Variants in BRINP1 observed in about 807,000 individuals in gnomAD.
The protein encoded by BRINP1 is BMP/retinoic acid inducible neural specific 1.
Under a neutral mutation model 72.9 loss-of-function variants are expected in BRINP1, and 17 were observed. That is an observed-to-expected ratio of 0.23 (90% confidence interval 0.16 to 0.35). The LOEUF (loss-of-function observed/expected upper bound fraction) is 0.35. Among genes scored for constraint, BRINP1 ranks in the 10% least tolerant of loss-of-function variants. BRINP1 has a pLI of 1.00. For synonymous variants in BRINP1, 418 were observed against 378.5 expected (o/e 1.10, Z -1.21); for missense variants, 850 against 1,001.6 (o/e 0.85, Z 2.04).
At chr9:119,171,520 C>T (rs995831613) in intron 7 of BRINP1, among the ~76,000 whole-genome samples, 26 of 151,062 alleles carry the variant, frequency 1.7e-4, no homozygotes, top group African/African-American at 4.9e-4. Flanking sequence ...TAGACTCCCA[C>T]CCATTAATAA....
intron 5 of BRINP1, among the ~76,000 whole-genome samples, chr9:119,228,331 T>TA (rs1830114604): frequency 6.6e-6 from 1 of 152,022 alleles, no homozygotes; most frequent in Non-Finnish European, 1.5e-5. Flanking sequence ...AATTATATTA[T>TA]ATATAATTCC....
intron 7 of BRINP1, among the ~76,000 whole-genome samples, chr9:119,197,097 GT>G (rs1456413638): frequency 6.6e-6 from 1 of 152,154 alleles, no homozygotes; most frequent in Non-Finnish European, 1.5e-5. Flanking sequence ...GGAAGTCTGG[GT>G]TTAAACGCAG....
chr9:119,200,611 A>C (rs1157516308), intron 7 of BRINP1, among the ~76,000 whole-genome samples: 1 of 148,652 alleles, frequency 6.7e-6, no homozygotes, highest in East Asian at 2.0e-4. Context: ...GTGACAGGGC[A>C]GGACTCTGCC....
chr9:119,249,861 AGGGAGGGAGGGAGGG>A (rs1564228593), intron 2 of BRINP1, among the ~76,000 whole-genome samples: 2 of 45,688 alleles, frequency 4.4e-5, no homozygotes, highest in African/African-American at 2.5e-4. Flanking sequence ...GAAGGGAGGG[AGGGAGGGAGGGAGGG>A]AAGGGAGGAA....
At chr9:119,256,631 C>A (rs1830450681) in intron 2 of BRINP1, among the ~76,000 whole-genome samples, 1 of 152,144 alleles carries the variant, frequency 6.6e-6, no homozygotes, top group South Asian at 2.1e-4. Context: ...ATTTGTTTTA[C>A]AATTATTTGT....
At chr9:119,274,267 G>A (rs776423938) in intron 2 of BRINP1, among the ~76,000 whole-genome samples, 1 of 152,230 alleles carries the variant, frequency 6.6e-6, no homozygotes, top group African/African-American at 2.4e-5. Flanking sequence ...TGAAAGGAGA[G>A]TAGAAGGAGA....
chr9:119,226,980 T>A (rs936219297), intron 5 of BRINP1, among the ~76,000 whole-genome samples: 2 of 152,020 alleles, frequency 1.3e-5, no homozygotes, highest in Non-Finnish European at 2.9e-5. Flanking sequence ...TTAACTTCTG[T>A]GAGCTTCAAT....
At chr9:119,252,165 G>A (rs780485071) in intron 2 of BRINP1, among the ~76,000 whole-genome samples, 3 of 152,092 alleles carry the variant, frequency 2.0e-5, no homozygotes, top group Admixed American at 2.0e-4. Flanking sequence ...GGAGCCGAGG[G>A]AATCCTTAGG....
chr9:119,213,886 A>C, intron 6 of BRINP1, 33 bp downstream of exon 6: 1 of 1,582,422 alleles, frequency 6.3e-7, no homozygotes, highest in Non-Finnish European at 8.7e-7. Context: ...GCTCAAGGCC[A>C]CTCATGCAGT....
chr9:119,335,619 C>T (rs1831339026), intron 1 of BRINP1, among the ~76,000 whole-genome samples: 1 of 152,188 alleles, frequency 6.6e-6, no homozygotes, highest in Admixed American at 6.5e-5. Context: ...ATTCATTCAA[C>T]AGGTACTTAA....
At chr9:119,172,402 A>C (rs1181567062) in intron 7 of BRINP1, among the ~76,000 whole-genome samples, 1 of 152,220 alleles carries the variant, frequency 6.6e-6, no homozygotes, top group Non-Finnish European at 1.5e-5. Context: ...AAATTCCTCC[A>C]CACATACGCT....
intron 2 of BRINP1, among the ~76,000 whole-genome samples, chr9:119,293,379 C>T (rs557569464): frequency 9.2e-5 from 14 of 151,820 alleles, no homozygotes; most frequent in Admixed American, 4.6e-4. Context: ...ATTATCCTTA[C>T]GCATGAATAA....
intron 1 of BRINP1, among the ~76,000 whole-genome samples, chr9:119,325,754 A>C (rs1444154893): frequency 6.6e-6 from 1 of 152,202 alleles, no homozygotes; most frequent in Non-Finnish European, 1.5e-5. Flanking sequence ...CTAATCTAGC[A>C]GATCCAGCCA....
At chr9:119,294,155 C>A (rs919695527) in intron 2 of BRINP1, among the ~76,000 whole-genome samples, 11 of 152,106 alleles carry the variant, frequency 7.2e-5, no homozygotes, top group Admixed American at 6.5e-4. Context: ...ATAAAAACAA[C>A]CCCATTTACA....
At chr9:119,362,349 G>A (rs1831643807) in intron 1 of BRINP1, among the ~76,000 whole-genome samples, 1 of 152,162 alleles carries the variant, frequency 6.6e-6, no homozygotes. Context: ...TGATCTCTGA[G>A]ACCTTATAGT....
At chr9:119,360,851 T>C (rs889172221) in intron 1 of BRINP1, among the ~76,000 whole-genome samples, 4 of 152,138 alleles carry the variant, frequency 2.6e-5, no homozygotes, top group African/African-American at 2.4e-5. Flanking sequence ...GCTGTTCACA[T>C]AGGCCATTTG....
chr9:119,229,030 T>A (rs750271567), intron 5 of BRINP1, among the ~76,000 whole-genome samples: 48 of 152,166 alleles, frequency 3.2e-4, no homozygotes, highest in Non-Finnish European at 6.0e-4. Flanking sequence ...AGTACACTTT[T>A]TATGTATATG....
At chr9:119,244,658 T>G (rs1377779209) in intron 3 of BRINP1, among the ~76,000 whole-genome samples, 2 of 152,204 alleles carry the variant, frequency 1.3e-5, no homozygotes, top group Non-Finnish European at 2.9e-5. Context: ...CCCGGTTCCC[T>G]CTGGACTGAG....
At chr9:119,246,758 T>C (rs911707354) in intron 3 of BRINP1, among the ~76,000 whole-genome samples, 6 of 152,116 alleles carry the variant, frequency 3.9e-5, no homozygotes, top group Non-Finnish European at 8.8e-5. Context: ...AAACATGTTT[T>C]CCATAAGTGA....
Sources: allele counts gnomAD v4.1 joint callset (sites outside exome capture counted in the v4.1 genomes callset), GRCh38; gene constraint gnomAD v4.1.1; transcripts MANE v1.5; gene names NCBI Gene and HGNC (gene_info 2026-07-23, HGNC 2026-07-21).